Variants in SF3B6 observed in about 807,000 individuals in gnomAD.
SF3B6 encodes the protein SF3b 14 kDa subunit.
SF3B6 carries 3 observed loss-of-function variants against 15.9 expected under a neutral mutation model. That is an observed-to-expected ratio of 0.19 (90% CI 0.09 to 0.49). The LOEUF (loss-of-function observed/expected upper bound fraction) is 0.49, where lower values mean the gene tolerates loss of function less well. Among genes scored for constraint, SF3B6 ranks in the 20% least tolerant of loss-of-function variants. SF3B6 has a pLI of 0.97. For missense variants in SF3B6, 71 were observed against 154.3 expected, an observed-to-expected ratio of 0.46 and a Z score of 2.86; for synonymous variants, 49 against 51.1, an observed-to-expected ratio of 0.96 and a Z score of 0.18.
chr2:24,068,025 T>C (rs993642483), intron 3 of SF3B6, among the ~76,000 whole-genome samples, 174 bp from the exon 4 acceptor site: 3 of 152,108 alleles, frequency 2.0e-5, no homozygotes, highest in Admixed American at 2.0e-4. Flanking sequence ...TGCAGTGGCG[T>C]GATCTTGGCT....
In SF3B6 at chr2:24,076,305, G is replaced by A. The variant is rs1664748273; in HGVS notation, c.-76C>T. 5 of 1,558,870 alleles carry A rather than the reference G, an allele frequency of 3.2e-6. No homozygotes were observed. Among genetic ancestry groups the A allele is most frequent in the Admixed American group, 1.7e-5 (1 of 59,926 alleles). On this transcript the variant is annotated 5_prime_UTR_variant, in exon 1 of 4. Coordinates refer to ENST00000233468, the MANE Select transcript of SF3B6 (RefSeq NM_016047.4). Reference sequence around the variant, plus strand: ...CTCGCTCGGCTTCGGGGGTTACACCGCGTTAGATGCAGGACATCAACATCC... The same window carrying A: ...CTCGCTCGGCTTCGGGGGTTACACCACGTTAGATGCAGGACATCAACATCC...
intron 2 of SF3B6, 125 bp downstream of exon 2, chr2:24,073,951 T>G: frequency 1.5e-6 from 1 of 677,918 alleles, no homozygotes; most frequent in Non-Finnish European, 2.6e-6. Context: ...CTCAATCTGC[T>G]AGTCTCAAGG....
chr2:24,075,489 A>C (rs1302526206), intron 1 of SF3B6, among the ~76,000 whole-genome samples: 1 of 151,520 alleles, frequency 6.6e-6, no homozygotes, highest in Non-Finnish European at 1.5e-5. Flanking sequence ...TCAGCCTCCA[A>C]AAGTGCGGGG....
chr2:24,073,903 G>A (rs1473429561), intron 2 of SF3B6, 173 bp downstream of exon 2: 1 of 544,834 alleles, frequency 1.8e-6, no homozygotes, highest in Non-Finnish European at 3.2e-6. Context: ...GTCTCAGTAG[G>A]TTTTCTCCCC....
At chr2:24,072,645 C>T (rs1006311519) in intron 2 of SF3B6, among the ~76,000 whole-genome samples, 1 of 152,296 alleles carries the variant, frequency 6.6e-6, no homozygotes, top group Non-Finnish European at 1.5e-5. Context: ...TAAATATTTT[C>T]TCCAGTTTCG....
chr2:24,068,320 C>G lies in SF3B6; in HGVS notation c.288+1G>C. ...CACAATGAGAACTTTGCTATACTTA[C>G]CCTGTTGGCATTATAGTACAAAACC... On this transcript the variant is annotated splice_donor_variant, in intron 3 of 3. Coordinates refer to ENST00000233468, the MANE Select transcript of SF3B6 (RefSeq NM_016047.4). LOFTEE classifies it high-confidence loss of function. 1 of 1,611,590 alleles carries G rather than the reference C, an allele frequency of 6.2e-7. No individual in the cohort carries two copies. Among genetic ancestry groups the G allele is most frequent in the Non-Finnish European group, 8.5e-7 (1 of 1,178,822 alleles).
At chr2:24,074,799 G>T (rs1664705518) in intron 1 of SF3B6, among the ~76,000 whole-genome samples, 1 of 151,988 alleles carries the variant, frequency 6.6e-6, no homozygotes, top group African/African-American at 2.4e-5. Context: ...GCTCCCATTG[G>T]CATAAAGATA....
intron 2 of SF3B6, among the ~76,000 whole-genome samples, chr2:24,069,890 TC>T (rs1664626586): frequency 1.3e-5 from 2 of 152,190 alleles, no homozygotes; most frequent in South Asian, 4.1e-4. Context: ...GATTTTCAGT[TC>T]CTTAAGAGCA....
At chr2:24,074,235 T>C (rs867945682) in intron 1 of SF3B6, 41 bp from the exon 2 acceptor site, 3 of 1,056,444 alleles carry the variant, frequency 2.8e-6, no homozygotes, top group Middle Eastern at 2.1e-4. Flanking sequence ...ATTAGGGGCA[T>C]TCTAAAAAAT....
At chr2:24,070,491 G>A (rs921977378) in intron 2 of SF3B6, among the ~76,000 whole-genome samples, 4 of 152,118 alleles carry the variant, frequency 2.6e-5, no homozygotes, top group African/African-American at 9.7e-5. Context: ...TGTGAGCTTC[G>A]GATGCTTCAT....
At chr2:24,068,820 G>T (rs187420517) in intron 2 of SF3B6, among the ~76,000 whole-genome samples, 1 of 152,200 alleles carries the variant, frequency 6.6e-6, no homozygotes, top group East Asian at 1.9e-4. Flanking sequence ...CTGGCTCTAC[G>T]TTGTCTTTGT....
chr2:24,069,660 C>T (rs1188079999), intron 2 of SF3B6, among the ~76,000 whole-genome samples: 1 of 152,180 alleles, frequency 6.6e-6, no homozygotes, highest in Admixed American at 6.5e-5. Flanking sequence ...CCTGCCTAGA[C>T]TTGATCTAGG....
intron 2 of SF3B6, among the ~76,000 whole-genome samples, chr2:24,072,642 T>A (rs770752395): frequency 1.3e-5 from 2 of 152,206 alleles, no homozygotes; most frequent in Non-Finnish European, 2.9e-5. Flanking sequence ...GGTTAAATAT[T>A]TTCTCCAGTT....
Position 24,074,282 on chromosome 2 carries a change from A to C in SF3B6, c.31-88T>G, listed in dbSNP as rs188353774. ...TGCCCCTATAATTAGGGGCATTTTA[A>C]AAAATTCTTAATGATACGTAATAAT... On this transcript the variant is annotated intron_variant, in intron 1 of 3. Coordinates refer to ENST00000233468, the MANE Select transcript of SF3B6 (RefSeq NM_016047.4). The C allele has an allele frequency of 1.4e-4, 91 of 648,170 alleles. No individual in the cohort carries two copies. The East Asian group carries it at 2.3e-3, about 17-fold the overall frequency. 40.2% of individuals were successfully genotyped at this position (648,170 alleles called of 1,614,324 possible). A position where few individuals can be genotyped will look rare whatever the true frequency, so the allele number is the denominator to read the frequency against.
intron 2 of SF3B6, among the ~76,000 whole-genome samples, chr2:24,072,386 G>A (rs1166268010): frequency 1.3e-5 from 2 of 152,118 alleles, no homozygotes; most frequent in African/African-American, 2.4e-5. Flanking sequence ...TATATGGTAC[G>A]AGCCCTGGAG....
intron 2 of SF3B6, among the ~76,000 whole-genome samples, chr2:24,072,021 C>T (rs1664659116): frequency 6.6e-6 from 1 of 152,170 alleles, no homozygotes; most frequent in Non-Finnish European, 1.5e-5. Context: ...CTCACTCTGT[C>T]GCCCAGACTG....
intron 1 of SF3B6, 142 bp from the exon 2 acceptor site, chr2:24,074,336 G>A: frequency 1.8e-6 from 1 of 561,634 alleles, no homozygotes; most frequent in South Asian, 2.2e-5. Flanking sequence ...GGTATAATTT[G>A]ATGTTTCTGA....
At chr2:24,070,894 A>G (rs1664641961) in intron 2 of SF3B6, among the ~76,000 whole-genome samples, 1 of 152,254 alleles carries the variant, frequency 6.6e-6, no homozygotes, top group Non-Finnish European at 1.5e-5. Context: ...TGCGACAGGC[A>G]CTAGAAATAC....
At chr2:24,074,922 A>C (rs1664708181) in intron 1 of SF3B6, among the ~76,000 whole-genome samples, 1 of 152,186 alleles carries the variant, frequency 6.6e-6, no homozygotes, top group African/African-American at 2.4e-5. Context: ...TGAGGTCAGG[A>C]GTTTGAGACC....
Sources: allele counts gnomAD v4.1 joint callset (sites outside exome capture counted in the v4.1 genomes callset), GRCh38; gene constraint gnomAD v4.1.1; transcripts MANE v1.5; gene names NCBI Gene and HGNC (gene_info 2026-07-23, HGNC 2026-07-21).